Variants in FAM184A observed in about 807,000 individuals in gnomAD.
FAM184A encodes protein FAM184A.
FAM184A carries 99 observed loss-of-function variants against 143.8 expected under a neutral mutation model. The observed-to-expected ratio is 0.69, with a 90% CI of 0.58 to 0.81. The LOEUF is 0.81. Among genes scored for constraint, FAM184A ranks in the 40% least tolerant of loss-of-function variants. The pLI is 0.00. For synonymous variants in FAM184A, 427 were observed against 446.4 expected, an observed-to-expected ratio of 0.96 and a Z score of 0.55; for missense variants, 1,217 against 1,310.5, an observed-to-expected ratio of 0.93 and a Z score of 1.10.
At chr6:119,052,998 A>T (rs706978) in intron 1 of FAM184A, among the ~76,000 whole-genome samples, 6,529 of 152,328 alleles carry the variant, frequency 0.043, 246 homozygotes, top group East Asian at 0.2. Flanking sequence ...TAGAAATTAA[A>T]ATTCTGGTTG....
chr6:119,035,016 A>G (rs1218075639), intron 1 of FAM184A, among the ~76,000 whole-genome samples: 2 of 152,186 alleles, frequency 1.3e-5, no homozygotes, highest in African/African-American at 2.4e-5. Context: ...TGTGGACCAC[A>G]TGTCCTTTCT....
chr6:119,035,428 T>C (rs1041704921), intron 1 of FAM184A, among the ~76,000 whole-genome samples: 1 of 152,206 alleles, frequency 6.6e-6, no homozygotes, highest in African/African-American at 2.4e-5. Flanking sequence ...CAGCCAGGTT[T>C]ACAGGACGCA....
At chr6:119,082,881 C>A (rs879839990), upstream of FAM184A, among the ~76,000 whole-genome samples, 1 of 152,200 alleles carries the variant, frequency 6.6e-6, no homozygotes, top group Admixed American at 6.5e-5. Context: ...CCAGTGGGGA[C>A]TCTGTGTAGG....
intron 1 of FAM184A, among the ~76,000 whole-genome samples, chr6:119,140,728 C>T (rs1772206483): frequency 6.6e-6 from 1 of 152,194 alleles, no homozygotes; most frequent in South Asian, 2.1e-4. Context: ...CTTTCCCACA[C>T]TCCAAGCAGG....
intron 1 of FAM184A, among the ~76,000 whole-genome samples, chr6:119,125,361 C>T (rs977985248): frequency 2.0e-5 from 3 of 152,126 alleles, no homozygotes; most frequent in South Asian, 2.1e-4. Context: ...CTGCAACCTC[C>T]GCCTCCCAGG....
At position 119,011,387 on chromosome 6, in the gene FAM184A, C is replaced by T. The variant is rs766889556; in HGVS notation, c.1575G>A (p.Glu525=). 3.5e-5 allele frequency: 55 copies of T among 1,578,684 alleles called. No homozygotes were observed. Among genetic ancestry groups the T allele is most frequent in the Non-Finnish European group, 4.6e-5 (53 of 1,158,502 alleles). The part of the protein sequence containing the change: ...QHNKDKLNLE[E]DKNQLQQELE... ...GCTCTTGTTGAAGCTGATTTTTATCCTCTTCCAGGTTTAGTTTATCTTTGT... is the reference window on the plus strand; with the variant it reads ...GCTCTTGTTGAAGCTGATTTTTATCTTCTTCCAGGTTTAGTTTATCTTTGT... Residue 525 remains glutamate (E), a synonymous_variant, in exon 6 of 18, where the codon GAG becomes GAA. Coordinates refer to ENST00000338891, the MANE Select transcript of FAM184A (RefSeq NM_024581.6).
intron 1 of FAM184A, among the ~76,000 whole-genome samples, chr6:119,028,043 T>C (rs1785727785): frequency 1.3e-5 from 2 of 152,206 alleles, no homozygotes; most frequent in Admixed American, 6.5e-5. Context: ...CCTCCTTGTA[T>C]TGATTTATGA....
intron 7 of FAM184A, chr6:119,005,808 A>G: frequency 2.7e-6 from 1 of 376,422 alleles, no homozygotes; most frequent in South Asian, 7.5e-5. Flanking sequence ...GACAATCTAA[A>G]TCTTTGCTGT....
intron 1 of FAM184A, among the ~76,000 whole-genome samples, chr6:119,087,681 A>G (rs1788256064): frequency 6.6e-6 from 1 of 152,244 alleles, no homozygotes; most frequent in African/African-American, 2.4e-5. Flanking sequence ...CACTGTGGAA[A>G]ACAGTATGCT....
intron 9 of FAM184A, among the ~76,000 whole-genome samples, chr6:118,988,564 A>ATGAGTTG (rs1562462698): frequency 1.3e-5 from 2 of 152,270 alleles, no homozygotes; most frequent in East Asian, 3.8e-4. Context: ...AACCGCCAAC[A>ATGAGTTG]CTAACTTGAC....
intron 1 of FAM184A, among the ~76,000 whole-genome samples, chr6:119,087,030 T>C (rs568988729): frequency 6.6e-6 from 1 of 152,294 alleles, no homozygotes; most frequent in East Asian, 1.9e-4. Flanking sequence ...TAGCACACGA[T>C]ACATGGTTAT....
chr6:119,039,315 T>A (rs1442386973), intron 1 of FAM184A, among the ~76,000 whole-genome samples: 3 of 152,210 alleles, frequency 2.0e-5, no homozygotes, highest in Non-Finnish European at 2.9e-5. Flanking sequence ...AAAATATATG[T>A]CCATACAAAA....
chr6:119,147,425 T>G (rs1772487026), intron 1 of FAM184A, among the ~76,000 whole-genome samples: 1 of 152,084 alleles, frequency 6.6e-6, no homozygotes, highest in African/African-American at 2.4e-5. Context: ...TTTGCTGACA[T>G]AAGATGAGGG....
At chr6:119,059,506 C>T (rs1317633500) in intron 1 of FAM184A, among the ~76,000 whole-genome samples, 1 of 152,200 alleles carries the variant, frequency 6.6e-6, no homozygotes, top group Non-Finnish European at 1.5e-5. Context: ...TTCAACTTTA[C>T]AAACCATTAC....
chr6:119,082,609 C>T (rs1263597013), upstream of FAM184A, among the ~76,000 whole-genome samples: 1 of 152,238 alleles, frequency 6.6e-6, no homozygotes. Context: ...ACAAGGCACT[C>T]ATTAAATCTT....
At chr6:119,126,161 GC>G (rs1455963643) in intron 1 of FAM184A, among the ~76,000 whole-genome samples, 2 of 152,192 alleles carry the variant, frequency 1.3e-5, no homozygotes, top group Non-Finnish European at 2.9e-5. Flanking sequence ...GACTGTGATT[GC>G]CACCTTCTTG....
At chr6:119,076,140 TACCCACTGAGTA>T (rs1269839870) in intron 1 of FAM184A, among the ~76,000 whole-genome samples, 1 of 152,134 alleles carries the variant, frequency 6.6e-6, no homozygotes, top group African/African-American at 2.4e-5. Context: ...CTACTAGTAG[TACCCACTGAGTA>T]GTGCCAGGGA....
At chr6:119,121,851 C>G (rs1427647558) in intron 1 of FAM184A, among the ~76,000 whole-genome samples, 1 of 152,240 alleles carries the variant, frequency 6.6e-6, no homozygotes, top group Non-Finnish European at 1.5e-5. Context: ...ATAAGTGACA[C>G]AGTGCTTAAC....
At chr6:119,026,343 A>C (rs567173906) in intron 1 of FAM184A, among the ~76,000 whole-genome samples, 1 of 152,290 alleles carries the variant, frequency 6.6e-6, no homozygotes, top group East Asian at 1.9e-4. Context: ...TTACACATTT[A>C]CTCATAAAGG....
Sources: allele counts gnomAD v4.1 joint callset (sites outside exome capture counted in the v4.1 genomes callset), GRCh38; gene constraint gnomAD v4.1.1; transcripts MANE v1.5; gene names NCBI Gene and HGNC (gene_info 2026-07-23, HGNC 2026-07-21).